Variants in KHDRBS2 observed in about 807,000 individuals in gnomAD.
KHDRBS2 encodes the protein KH domain-containing, RNA-binding, signal transduction-associated protein 2.
In KHDRBS2, 26 loss-of-function variants were observed where a neutral mutation model predicts 44.3. The observed-to-expected ratio is 0.59, with a 90% confidence interval of 0.43 to 0.81. KHDRBS2 has a LOEUF of 0.81. Ranked by LOEUF, KHDRBS2 falls within the 40% of genes least tolerant of loss-of-function variation. KHDRBS2 has a pLI of 0.00. For missense variants in KHDRBS2, 476 were observed against 433.1 expected (o/e 1.10, Z -0.88); for synonymous variants, 194 against 151.1 (o/e 1.28, Z -2.08).
the KHDRBS2 span, among the ~76,000 whole-genome samples, chr6:61,569,431 C>A: frequency 1.3e-5 from 2 of 152,308 alleles, no homozygotes; most frequent in Admixed American, 6.5e-5. Flanking sequence ...ATTTCTGCTG[C>A]AGCTGGTGCT....
intron 6 of KHDRBS2, among the ~76,000 whole-genome samples, chr6:61,779,652 T>C (rs1272225462): frequency 7.4e-6 from 1 of 134,714 alleles, no homozygotes; most frequent in East Asian, 2.1e-4. Flanking sequence ...TTAGAAAATA[T>C]GGCACTGCAG....
chr6:61,898,395 T>A (rs1361803833), intron 5 of KHDRBS2, among the ~76,000 whole-genome samples: 8 of 152,018 alleles, frequency 5.3e-5, no homozygotes, highest in Admixed American at 3.3e-4. Context: ...ACATTTAATG[T>A]TTTATTGTAA....
chr6:61,719,448 G>A (rs1412723127), intron 7 of KHDRBS2, among the ~76,000 whole-genome samples: 2 of 150,794 alleles, frequency 1.3e-5, no homozygotes, highest in Non-Finnish European at 3.0e-5. Flanking sequence ...AAATGTTAAT[G>A]TCTTTGAGGA....
intron 3 of KHDRBS2, among the ~76,000 whole-genome samples, chr6:62,020,018 G>C (rs551806464): frequency 6.6e-6 from 1 of 151,274 alleles, no homozygotes; most frequent in Non-Finnish European, 1.5e-5. Context: ...TGAGGTCATC[G>C]ATTTTACATT....
the KHDRBS2 span, among the ~76,000 whole-genome samples, chr6:61,666,552 G>A: frequency 2.6e-5 from 4 of 151,290 alleles, no homozygotes; most frequent in African/African-American, 9.7e-5. Context: ...AAATCTGTCT[G>A]CTTCTGAGTA....
intron 1 of KHDRBS2, among the ~76,000 whole-genome samples, chr6:62,236,051 A>T (rs1833655696): frequency 6.6e-6 from 1 of 152,142 alleles, no homozygotes; most frequent in Admixed American, 6.5e-5. Flanking sequence ...AAAATCGTTC[A>T]TGGTCTTGGC....
chr6:61,640,752 CAGA>C, the KHDRBS2 span, among the ~76,000 whole-genome samples: 2 of 152,064 alleles, frequency 1.3e-5, no homozygotes, highest in Admixed American at 1.3e-4. Context: ...CTCAATGTCA[CAGA>C]AGAAAAACGA....
chr6:61,919,281 G>A (rs1357217457), intron 4 of KHDRBS2, among the ~76,000 whole-genome samples: 2 of 151,774 alleles, frequency 1.3e-5, no homozygotes, highest in Admixed American at 6.6e-5. Context: ...ATTTTTTAAA[G>A]AAATACAAAA....
the KHDRBS2 span, among the ~76,000 whole-genome samples, chr6:61,558,416 G>A: frequency 6.6e-6 from 1 of 151,982 alleles, no homozygotes; most frequent in Non-Finnish European, 1.5e-5. Flanking sequence ...AAAAAATTTA[G>A]CTGTACATGG....
chr6:62,279,482 A>G (rs1206429277), intron 1 of KHDRBS2, among the ~76,000 whole-genome samples: 1 of 152,216 alleles, frequency 6.6e-6, no homozygotes, highest in African/African-American at 2.4e-5. Context: ...TACATATAAG[A>G]CTGAAGGCAA....
chr6:61,997,278 A>G (rs2127255331), intron 3 of KHDRBS2, among the ~76,000 whole-genome samples: 1 of 152,256 alleles, frequency 6.6e-6, no homozygotes, highest in Admixed American at 6.5e-5. Context: ...AATAACTATC[A>G]CCCTATTGAT....
At chr6:61,647,183 T>C in the KHDRBS2 span, among the ~76,000 whole-genome samples, 2 of 152,108 alleles carry the variant, frequency 1.3e-5, no homozygotes, top group Non-Finnish European at 2.9e-5. Context: ...CTCTTATGAG[T>C]CTGAGGATAA....
At chr6:61,573,459 A>G in the KHDRBS2 span, among the ~76,000 whole-genome samples, 1 of 152,074 alleles carries the variant, frequency 6.6e-6, no homozygotes, top group Non-Finnish European at 1.5e-5. Flanking sequence ...TCACAGAACT[A>G]GAAAAAAAAG....
chr6:61,617,187 A>C, the KHDRBS2 span, among the ~76,000 whole-genome samples: 1 of 152,304 alleles, frequency 6.6e-6, no homozygotes, highest in African/African-American at 2.4e-5. Context: ...TTTTACCTTA[A>C]ATTTAGAAGC....
chr6:61,968,452 T>A (rs1446622153), intron 4 of KHDRBS2, among the ~76,000 whole-genome samples: 1 of 151,936 alleles, frequency 6.6e-6, no homozygotes, highest in Non-Finnish European at 1.5e-5. Flanking sequence ...AATAAGAAAG[T>A]GAAAACAAGA....
the KHDRBS2 span, among the ~76,000 whole-genome samples, chr6:61,610,135 C>T: frequency 2.0e-5 from 3 of 151,954 alleles, no homozygotes. Context: ...AAGATCACGC[C>T]ACTCCACTCC....
intron 6 of KHDRBS2, among the ~76,000 whole-genome samples, chr6:61,790,494 C>T (rs1278949435): frequency 6.6e-6 from 1 of 150,758 alleles, no homozygotes; most frequent in Non-Finnish European, 1.5e-5. Flanking sequence ...TTAACAAGCT[C>T]TTTACCTGGA....
chr6:62,120,078 T>A (rs941870344), intron 2 of KHDRBS2, among the ~76,000 whole-genome samples: 1 of 152,192 alleles, frequency 6.6e-6, no homozygotes, highest in Non-Finnish European at 1.5e-5. Flanking sequence ...TCAGGCTGAA[T>A]TTATTGATTT....
intron 8 of KHDRBS2, among the ~76,000 whole-genome samples, chr6:61,688,391 C>A (rs77102189): frequency 6.6e-6 from 1 of 151,712 alleles, no homozygotes; most frequent in Non-Finnish European, 1.5e-5. Context: ...CAAAAGACTG[C>A]GGAATTCAGC....
Sources: allele counts gnomAD v4.1 joint callset (sites outside exome capture counted in the v4.1 genomes callset), GRCh38; gene constraint gnomAD v4.1.1; transcripts MANE v1.5; gene names NCBI Gene and HGNC (gene_info 2026-07-23, HGNC 2026-07-21).